PLEKHM1: variants seen among roughly 807,000 people sequenced by gnomAD.
PLEKHM1 encodes pleckstrin homology and RUN domain containing M1.
A neutral mutation model predicts 94.3 loss-of-function variants in PLEKHM1; 28 were observed. The ratio of observed to expected loss-of-function variants is 0.30; its 90% CI spans 0.22 to 0.41. PLEKHM1 has a LOEUF of 0.41. Ranked by LOEUF, PLEKHM1 falls within the 10% of genes least tolerant of loss-of-function variation. PLEKHM1 has a pLI of 1.00. For synonymous variants in PLEKHM1, 424 were observed against 581.2 expected (o/e 0.73, Z 3.89); for missense variants, 907 against 1,358.6 (o/e 0.67, Z 5.22).
rs1323737897 is a variant in PLEKHM1 at position 45,468,246 on chromosome 17, G to C, written c.1271C>G (p.Ala424Gly). The change falls in exon 5 of 12, where the codon GCT becomes GGT. Residue 424 changes from alanine (A) to glycine (G), a missense_variant. This residue lies in a region of PLEKHM1 where 477 missense variants were observed against 601.5 expected (regional missense o/e 0.79). Coordinates refer to ENST00000430334, the MANE Select transcript of PLEKHM1 (RefSeq NM_014798.3). ...GLQKAQAHDG[A>G]GLKLVVSSPT... is the part of the protein sequence containing the mutation. ...TGAGGAAACTACCAGCTTCAGACCA[G>C]CTCCGTCATGAGCCTGGGCCTTCTG... 1 of 1,613,058 alleles carries C rather than the reference G, an allele frequency of 6.2e-7. No individual in the cohort carries two copies. Among genetic ancestry groups the C allele is most frequent in the Non-Finnish European group, 8.5e-7 (1 of 1,179,758 alleles).
Position 45,454,209 on chromosome 17 carries a change from C to A in PLEKHM1, c.1643G>T (p.Gly548Val). The A allele has an allele frequency of 6.2e-7, 1 of 1,609,918 alleles. No individual in the cohort carries two copies. The highest frequency in any genetic ancestry group is 8.5e-7 in the Non-Finnish European group (1 of 1,178,056). The change falls in exon 7 of 12, where the codon GGC becomes GTC. Residue 548 changes from glycine to valine, a missense_variant. Gly to Val is a moderately radical substitution (Grantham distance 109). Coordinates refer to ENST00000430334, the MANE Select transcript of PLEKHM1 (RefSeq NM_014798.3). ...LGTVERRGAM[G>V]IWKELFCELS... ...CTCGCAGAAGAGCTCCTTCCAGATG[C>A]CCATTGCCCCCCGCCGCTCCACGGT...
chr17:45,443,710 T>G (rs571789401), intron 9 of PLEKHM1, among the ~76,000 whole-genome samples: 1 of 152,294 alleles, frequency 6.6e-6, no homozygotes, highest in East Asian at 1.9e-4. Context: ...ACCTGGCTCC[T>G]TGACCAAGGA....
rs1348481893 is a variant in PLEKHM1, at chr17:45,444,126, G to C, written c.2837+1344C>G. ...CTGGGAGCACTGCAGCCAGGATGGA[G>C]GAGGCAGTCTTCAGAGAGGCGCTCT... On this transcript the variant is annotated intron_variant, in intron 9 of 11. Transcript: ENST00000430334. This position sits in a 1 kb window ranked among gnomAD's most constrained non-coding sequence, Gnocchi z 5.0. Among the ~76,000 whole-genome samples, 2 of 152,198 alleles carry C rather than the reference G, an allele frequency of 1.3e-5. No individual in the cohort carries two copies. The highest frequency in any genetic ancestry group is 6.5e-5 in the Admixed American group (1 of 15,288).
In PLEKHM1 at chr17:45,437,784, C is replaced by T; in HGVS notation, c.*74G>A. ...GCTGTGACACGGTGAGTATCCTGGG[C>T]TGATGGCAAACCCAGCCGGGATGGC... On this transcript the variant is annotated 3_prime_UTR_variant, in exon 12 of 12. Coordinates refer to ENST00000430334, the MANE Select transcript of PLEKHM1 (RefSeq NM_014798.3). This position sits in a 1 kb window ranked among gnomAD's most constrained non-coding sequence, Gnocchi z 4.0. 4.3e-6 allele frequency: 5 copies of T among 1,165,870 alleles called. No individual in the cohort carries two copies. The highest frequency in any genetic ancestry group is 1.7e-5 in the Admixed American group (1 of 59,316). 72.2% of individuals were successfully genotyped at this position (1,165,870 alleles called of 1,614,324 possible).
chr17:45,457,328 C>T (rs62065385), intron 6 of PLEKHM1, among the ~76,000 whole-genome samples: 18,317 of 151,584 alleles, frequency 0.12, 1,535 homozygotes, highest in Middle Eastern at 0.21. Context: ...TTTAGGAGGC[C>T]GAGGCGGGGT....
In PLEKHM1 at chr17:45,437,084, A is replaced by G. The variant is rs1186593492; in HGVS notation, c.*774T>C. 4 of 454,392 alleles carry G rather than the reference A, an allele frequency of 8.8e-6. No individual in the cohort carries two copies. The highest frequency in any genetic ancestry group is 1.6e-5 in the South Asian group (1 of 64,478). The allele number at this position is 454,392 out of a possible 1,614,324, so 28.1% of individuals were successfully genotyped here. A position where few individuals can be genotyped will look rare whatever the true frequency, so the allele number is the denominator to read the frequency against. ...GTGCTGACAGTGCTGGTTTCCAGTC[A>G]TTTCTCCTTCTCCTAATGGGGCCAA... is the stretch of plus-strand genomic sequence containing the variant. On this transcript the variant is annotated 3_prime_UTR_variant, in exon 12 of 12. Transcript: ENST00000430334. The surrounding 1 kb of genome is among the most constrained non-coding windows in gnomAD (Gnocchi z 4.0).
At chr17:45,456,774 T>C (rs1191152626) in intron 6 of PLEKHM1, among the ~76,000 whole-genome samples, 1 of 152,208 alleles carries the variant, frequency 6.6e-6, no homozygotes, top group African/African-American at 2.4e-5. Flanking sequence ...GCGTACTTTT[T>C]TTGTTTGTTT....
At position 45,439,637 on chromosome 17, in the gene PLEKHM1, G is replaced by A. The variant is rs750352207; in HGVS notation, c.2902-3C>T. 14 of 1,613,792 alleles carry A rather than the reference G, an allele frequency of 8.7e-6. No individual in the cohort carries two copies. Among genetic ancestry groups the A allele is most frequent in the Middle Eastern group, 1.6e-4 (1 of 6,080 alleles). ...CCTTCATACACCCCGTCTGCGATCT[G>A]CGGAGGGCAAGTAGGAATCCTTCAT... On this transcript the variant is annotated splice_polypyrimidine_tract_variant and splice_region_variant and intron_variant, in intron 10 of 11. Coordinates refer to ENST00000430334, the MANE Select transcript of PLEKHM1 (RefSeq NM_014798.3).
In PLEKHM1 at chr17:45,439,406, C is replaced by A. The variant is rs879003949; in HGVS notation, c.3059+71G>T. On this transcript the variant is annotated intron_variant, in intron 11 of 11. Transcript: ENST00000430334. ...CCACAGAGCGAAGCCTGCTGCCCTG[C>A]GTGCTTGGGCCAGGCTGTGGGTGTG... 1.4e-5 allele frequency: 22 copies of A among 1,543,682 alleles called. No individual in the cohort carries two copies. In the African/African-American group the frequency reaches 2.2e-4, roughly 15 times the overall value.
intron 5 of PLEKHM1, among the ~76,000 whole-genome samples, chr17:45,461,953 C>T (rs2051163675): frequency 6.6e-6 from 1 of 152,148 alleles, no homozygotes; most frequent in African/African-American, 2.4e-5. Context: ...CTGGGCCACT[C>T]TAAGTGGCTG....
intron 4 of PLEKHM1, among the ~76,000 whole-genome samples, chr17:45,473,489 T>C (rs2051584774): frequency 6.6e-6 from 1 of 151,758 alleles, no homozygotes; most frequent in African/African-American, 2.4e-5. Flanking sequence ...CAAAACAAGA[T>C]ATAGAACAGT....
At chr17:45,449,287 C>T (rs1275378555) in intron 8 of PLEKHM1, among the ~76,000 whole-genome samples, 3 of 151,686 alleles carry the variant, frequency 2.0e-5, no homozygotes, top group African/African-American at 4.9e-5. Context: ...ATCTACCCAC[C>T]GTCCACCCAT....
chr17:45,454,700 G>T (rs533730418), intron 6 of PLEKHM1: 51 of 346,372 alleles, frequency 1.5e-4, no homozygotes, highest in African/African-American at 9.8e-4. Flanking sequence ...TCTCTATGGG[G>T]TGACTCCCAT....
rs768204551 is a variant in PLEKHM1, at chr17:45,478,126, C to G, written c.70G>C (p.Gly24Arg). The change falls in exon 3 of 12, where the codon GGA becomes CGA. Residue 24 changes from glycine to arginine, a missense_variant. Physicochemically the swap from Gly to Arg is moderately radical, Grantham distance 125 (BLOSUM62 -2). Around this residue, in one of 3 missense-constraint regions of PLEKHM1, gnomAD observed 176 missense variants for 306.0 expected, o/e 0.58. Coordinates refer to ENST00000430334, the MANE Select transcript of PLEKHM1 (RefSeq NM_014798.3). ...AIPVIKKKLVGSVKALQKQYV... is the reference protein window; with the variant it reads ...AIPVIKKKLVRSVKALQKQYV... ...TGCTTCTGCAAGGCCTTCACGGATC[C>G]CACCAGCTTCTTCTTGATGACCTAG... 5.0e-6 allele frequency: 8 copies of G among 1,614,192 alleles called. No homozygotes were observed. The highest frequency in any genetic ancestry group is 5.9e-6 in the Non-Finnish European group (7 of 1,180,040).
chr17:45,446,786 G>A (rs1204562656), intron 8 of PLEKHM1, among the ~76,000 whole-genome samples: 1 of 152,104 alleles, frequency 6.6e-6, no homozygotes, highest in Admixed American at 6.5e-5. Flanking sequence ...TTGTGTAGGG[G>A]AAAAAAAGTC....
At chr17:45,459,221 A>C (rs1211850541) in intron 5 of PLEKHM1, among the ~76,000 whole-genome samples, 3 of 152,216 alleles carry the variant, frequency 2.0e-5, no homozygotes, top group Admixed American at 2.0e-4. Flanking sequence ...ATCTAAGTTT[A>C]GCAAATTTTC....
chr17:45,475,877 G>A, intron 3 of PLEKHM1, 151 bp from the exon 4 acceptor site: 1 of 850,142 alleles, frequency 1.2e-6, no homozygotes, highest in Non-Finnish European at 1.9e-6. Context: ...GCCAGATGTG[G>A]TGGCTCACAC....
intron 3 of PLEKHM1, among the ~76,000 whole-genome samples, chr17:45,476,887 G>A (rs2051758295): frequency 6.6e-6 from 1 of 152,180 alleles, no homozygotes; most frequent in South Asian, 2.1e-4. Flanking sequence ...GGGAGCTTCA[G>A]CTCAGTAAAT....
intron 7 of PLEKHM1, among the ~76,000 whole-genome samples, chr17:45,451,984 C>T (rs373979667): frequency 9.2e-5 from 14 of 152,324 alleles, no homozygotes; most frequent in African/African-American, 2.6e-4. Flanking sequence ...CGGGGCCAAC[C>T]GCAGACCAAT....
Sources: gnomAD v4.1 joint callset for allele counts (sites outside exome capture counted in the v4.1 genomes callset) on GRCh38, gnomAD v4.1.1 for gene constraint, gnomAD v4.1.1 regional missense constraint, Gnocchi (gnomAD v3.1) non-coding constraint, MANE v1.5 for transcripts, NCBI Gene and HGNC (gene_info 2026-07-23, HGNC 2026-07-21) for gene names.